CSMD1: variants seen among roughly 807,000 people sequenced by gnomAD.
CSMD1 encodes CUB and sushi domain-containing protein 1.
In CSMD1, 213 loss-of-function variants were observed where a neutral mutation model predicts 417.5. That is an observed-to-expected ratio of 0.51 (90% CI 0.46 to 0.57). CSMD1 has a LOEUF of 0.57. CSMD1 is among the 20% of genes least tolerant of loss of function. The pLI, the probability that CSMD1 is intolerant of heterozygous loss-of-function variation, is 0.00. For missense variants in CSMD1, 6,923 were observed against 4,529.7 expected, an observed-to-expected ratio of 1.53 and a Z score of -15.17; for synonymous variants, 2,862 against 1,736.8, an observed-to-expected ratio of 1.65 and a Z score of -16.11.
At chr8:4,643,533 T>C (rs1223933718) in intron 1 of CSMD1, among the ~76,000 whole-genome samples, 1 of 151,902 alleles carries the variant, frequency 6.6e-6, no homozygotes, top group Non-Finnish European at 1.5e-5. Context: ...AAAGAAAAAA[T>C]AAAATAATAT....
At chr8:3,438,825 G>C (rs192652750) in intron 12 of CSMD1, among the ~76,000 whole-genome samples, 1 of 152,120 alleles carries the variant, frequency 6.6e-6, no homozygotes, top group African/African-American at 2.4e-5. Flanking sequence ...GCTCTTATAA[G>C]AAATTGCTGG....
chr8:2,958,039 G>A (rs906287181), intron 62 of CSMD1, among the ~76,000 whole-genome samples: 14 of 152,094 alleles, frequency 9.2e-5, no homozygotes, highest in Admixed American at 2.6e-4. Context: ...AAATTTAGAC[G>A]GCTGTTTGGG....
At position 3,142,550 on chromosome 8, in the gene CSMD1, G is replaced by C; in HGVS notation, c.6156C>G (p.Ala2052=). The C allele has an allele frequency of 6.2e-7, 1 of 1,613,974 alleles. No individual in the cohort carries two copies. Among genetic ancestry groups the C allele is most frequent in the Non-Finnish European group, 8.5e-7 (1 of 1,179,898 alleles). Reference sequence around the variant, plus strand: ...GGGTTTCATGCGTTGTGCTCAGCAGGGCCGCGGGGAGATCCGTGCCGCTAA... The same window carrying C: ...GGGTTTCATGCGTTGTGCTCAGCAGCGCCGCGGGGAGATCCGTGCCGCTAA... ...GQFSGTDLPA[A]LLSTTHETLI... The change falls in exon 41 of 70, where the codon GCC becomes GCG. Residue 2052 remains alanine (A), a synonymous_variant. Coordinates refer to ENST00000635120, the MANE Select transcript of CSMD1 (RefSeq NM_033225.6).
chr8:4,902,275 T>TAAA lies in CSMD1; in HGVS notation c.85+92054_85+92056dup, dbSNP rs199601817. Among the ~76,000 whole-genome samples, 177 of 146,936 alleles carry TAAA rather than the reference T, an allele frequency of 1.2e-3. 2 individuals are homozygous for TAAA. The highest frequency in any genetic ancestry group is 2.4e-3 in the East Asian group (12 of 4,926). On this transcript the variant is annotated intron_variant, in intron 1 of 69. Coordinates refer to ENST00000635120, the MANE Select transcript of CSMD1 (RefSeq NM_033225.6). Reference sequence around the variant, plus strand: ...AGACAAAACATCTCGCTCTATCTATTAAAAAAAAAAAAAAATCCTGGCATG... The same window carrying TAAA: ...AGACAAAACATCTCGCTCTATCTATTAAAAAAAAAAAAAAAAAATCCTGGCATG...
At position 4,994,552 on chromosome 8, in the gene CSMD1, G is replaced by C; in HGVS notation, c.-136C>G. 1 of 756,594 alleles carries C rather than the reference G, an allele frequency of 1.3e-6. No homozygotes were observed. The highest frequency in any genetic ancestry group is 1.7e-5 in the South Asian group (1 of 59,216). 46.9% of individuals were successfully genotyped at this position (756,594 alleles called of 1,614,324 possible). A position where few individuals can be genotyped will look rare whatever the true frequency, so the allele number is the denominator to read the frequency against. Reference sequence around the variant, plus strand: ...CGGTCCCAAGACCCGCCGCGCATCCGACGCCTCCTGAAGGTCTGGGCGCCC... The same window carrying C: ...CGGTCCCAAGACCCGCCGCGCATCCCACGCCTCCTGAAGGTCTGGGCGCCC... On this transcript the variant is annotated 5_prime_UTR_variant, in exon 1 of 70. Coordinates refer to ENST00000635120, the MANE Select transcript of CSMD1 (RefSeq NM_033225.6).
intron 26 of CSMD1, among the ~76,000 whole-genome samples, chr8:3,240,884 G>A (rs71521814): frequency 0.46 from 69,973 of 151,776 alleles, 16,631 homozygotes; most frequent in East Asian, 0.62. Flanking sequence ...GAGTTTATAG[G>A]CTTTAAGAGG....
chr8:3,889,967 G>C (rs939556635), intron 5 of CSMD1, among the ~76,000 whole-genome samples: 1 of 152,128 alleles, frequency 6.6e-6, no homozygotes, highest in African/African-American at 2.4e-5. Flanking sequence ...AGGATTGCTT[G>C]AACCCAGGAG....
rs1800731539 is a variant in CSMD1, at chr8:3,589,119, A to G, written c.1098-2859T>C. Among the ~76,000 whole-genome samples the G allele has an allele frequency of 2.0e-5, 3 of 152,320 alleles. No individual in the cohort carries two copies. In the South Asian group the frequency reaches 6.3e-4, roughly 32 times the overall value. On this transcript the variant is annotated intron_variant, in intron 8 of 69. Transcript: ENST00000635120. ...GATGTGGAGAAAAGGGAACCCTTGT[A>G]CATTGTTGTTAGAAATGTAAAATAT...
intron 1 of CSMD1, among the ~76,000 whole-genome samples, chr8:4,834,765 G>A (rs1800360407): frequency 6.6e-6 from 1 of 151,512 alleles, no homozygotes; most frequent in Non-Finnish European, 1.5e-5. Context: ...GACCATCCTG[G>A]CTAACACGGT....
chr8:4,491,408 A>T (rs1801693641), intron 2 of CSMD1, among the ~76,000 whole-genome samples: 1 of 152,054 alleles, frequency 6.6e-6, no homozygotes, highest in Non-Finnish European at 1.5e-5. Flanking sequence ...AATACAGTTA[A>T]CCTTACGCCC....
At chr8:4,014,233 A>C (rs888370284) in intron 4 of CSMD1, among the ~76,000 whole-genome samples, 2 of 152,212 alleles carry the variant, frequency 1.3e-5, no homozygotes, top group Admixed American at 1.3e-4. Context: ...TTAGGAAAAA[A>C]ATCTAACAGA....
At chr8:3,218,096 T>C (rs1247746974) in intron 29 of CSMD1, among the ~76,000 whole-genome samples, 1 of 152,190 alleles carries the variant, frequency 6.6e-6, no homozygotes, top group Admixed American at 6.5e-5. Context: ...GTCAGTCTGT[T>C]TTCCTTGGAT....
chr8:4,410,888 G>A (rs1178728121), intron 3 of CSMD1, among the ~76,000 whole-genome samples: 3 of 152,172 alleles, frequency 2.0e-5, no homozygotes, highest in East Asian at 1.9e-4. Flanking sequence ...GGGCTTAGAG[G>A]TTATAAGTTC....
rs554144456 is a variant in CSMD1 at position 4,263,459 on chromosome 8, G to C, written c.415+156494C>G. Among the ~76,000 whole-genome samples the C allele has an allele frequency of 1.9e-4, 29 of 152,254 alleles. No individual in the cohort carries two copies. The South Asian group carries it at 4.4e-3, about 23-fold the overall frequency. ...GGACTGCTTTTAGATTTGTGACATA[G>C]TTGTTCCTTCCAAACTAGTCCAAAT... On this transcript the variant is annotated intron_variant, in intron 3 of 69. Coordinates refer to ENST00000635120, the MANE Select transcript of CSMD1 (RefSeq NM_033225.6).
intron 50 of CSMD1, 112 bp from the exon 51 acceptor site, chr8:3,029,625 G>C: frequency 1.2e-6 from 1 of 824,986 alleles, no homozygotes; most frequent in Non-Finnish European, 1.9e-6. Context: ...GTTTGGCAAA[G>C]TTGATGCCAT....
At chr8:2,947,392 G>A (rs998456390) in intron 68 of CSMD1, among the ~76,000 whole-genome samples, 1 of 152,162 alleles carries the variant, frequency 6.6e-6, no homozygotes, top group Non-Finnish European at 1.5e-5. Context: ...AATGGTTGCT[G>A]TTGCAGAATT....
chr8:3,411,858 G>A (rs111204993), intron 12 of CSMD1, among the ~76,000 whole-genome samples: 5,046 of 59,494 alleles, frequency 0.085, 418 homozygotes, highest in East Asian at 0.24. Context: ...ACGTATATAT[G>A]CACGTATATA....
At chr8:3,691,314 C>G (rs1259449097) in intron 7 of CSMD1, among the ~76,000 whole-genome samples, 1 of 151,912 alleles carries the variant, frequency 6.6e-6, no homozygotes, top group Non-Finnish European at 1.5e-5. Flanking sequence ...TTGCAGTGAG[C>G]CGGGATCGTG....
intron 3 of CSMD1, among the ~76,000 whole-genome samples, chr8:4,300,714 G>C (rs1797939279): frequency 6.6e-6 from 1 of 152,128 alleles, no homozygotes; most frequent in Non-Finnish European, 1.5e-5. Context: ...TCCCCGGAGT[G>C]TGATGTTCCC....
Sources: allele counts gnomAD v4.1 joint callset (sites outside exome capture counted in the v4.1 genomes callset), GRCh38; gene constraint gnomAD v4.1.1; transcripts MANE v1.5; gene names NCBI Gene and HGNC (gene_info 2026-07-23, HGNC 2026-07-21).